The following CCDC82 variants were observed in gnomAD, a reference collection of about 807,000 sequenced individuals.
CCDC82 encodes the protein coiled-coil domain containing 82.
CCDC82 carries 47 observed loss-of-function variants against 60.6 expected under a neutral mutation model. The observed-to-expected ratio is 0.77, with a 90% confidence interval of 0.61 to 0.99. The LOEUF (loss-of-function observed/expected upper bound fraction) is 0.99, where lower values mean the gene tolerates loss of function less well. Ranked by LOEUF, CCDC82 falls within the 50% of genes least tolerant of loss-of-function variation. The pLI is 0.00. For missense variants in CCDC82, 588 were observed against 633.0 expected (o/e 0.93, Z 0.76); for synonymous variants, 212 against 207.4 (o/e 1.02, Z -0.19).
rs1386440910 is a variant in CCDC82 at position 96,361,117 on chromosome 11, C to T, written c.1381-1939G>A. 2.6e-5 allele frequency among the ~76,000 whole-genome samples: 4 copies of T among 152,260 alleles called. No individual in the cohort carries two copies. In the East Asian group the frequency reaches 5.8e-4, roughly 22 times the overall value. ...TCCAACTTTGTGTAAAAAGACAACA[C>T]AAAAGTTGCCGTGACTATAAGGGTA... is the stretch of plus-strand genomic sequence containing the variant. On this transcript the variant is annotated intron_variant, in intron 8 of 9. Coordinates refer to ENST00000646818, the MANE Select transcript of CCDC82 (RefSeq NM_024725.4).
rs185391937 is a variant in CCDC82 at position 96,363,109 on chromosome 11, C to T, written c.1380+1871G>A. ...TAGCTGGGACTACAGGTGCCCGCCA[C>T]CTCTCTCGGCTAATTTTTTGTATTT... On this transcript the variant is annotated intron_variant, in intron 8 of 9. Transcript: ENST00000646818. 1,332 of 152,136 alleles carry T rather than the reference C, an allele frequency of 8.8e-3. 19 individuals are homozygous for T. Among genetic ancestry groups the T allele is most frequent in the Admixed American group, 0.034 (524 of 15,270 alleles). 9.4% of individuals were successfully genotyped at this position (152,136 alleles called of 1,614,324 possible). A position where few individuals can be genotyped will look rare whatever the true frequency, so the allele number is the denominator to read the frequency against.
intron 5 of CCDC82, among the ~76,000 whole-genome samples, chr11:96,373,981 C>T (rs1865431279): frequency 6.6e-6 from 1 of 152,144 alleles, no homozygotes; most frequent in Non-Finnish European, 1.5e-5. Context: ...ATTTAGAAAA[C>T]TTGTCTATTT....
At chr11:96,366,698 G>T (rs1864968467) in intron 7 of CCDC82, among the ~76,000 whole-genome samples, 1 of 152,166 alleles carries the variant, frequency 6.6e-6, no homozygotes, top group Non-Finnish European at 1.5e-5. Flanking sequence ...AGTTCAGCCT[G>T]GGCCACAGAA....
At chr11:96,372,982 C>A (rs1865366088) in intron 6 of CCDC82, among the ~76,000 whole-genome samples, 1 of 151,930 alleles carries the variant, frequency 6.6e-6, no homozygotes, top group Non-Finnish European at 1.5e-5. Context: ...AAAAGGGATT[C>A]TATTCTAAGA....
chr11:96,376,858 T>C (rs1383635189), intron 5 of CCDC82, among the ~76,000 whole-genome samples: 2 of 152,178 alleles, frequency 1.3e-5, no homozygotes, highest in African/African-American at 2.4e-5. Context: ...ACATACTTAC[T>C]GTGAATCTGG....
Position 96,384,722 on chromosome 11 carries a change from G to C in CCDC82, c.26C>G (p.Thr9Arg), listed in dbSNP as rs373680223. MIHVRRHE[T>R]RRNSKSHVPE... is the part of the protein sequence containing the mutation. ...CACGTGACTCTTAGAATTTCTCCTT[G>C]TTTCATGTCTTCTAACATGTATCAT... Residue 9 changes from threonine to arginine, a missense_variant, in exon 4 of 10, where the codon ACA (threonine) becomes AGA (arginine). By Grantham distance (71) the Thr-to-Arg change is moderately conservative. Transcript: ENST00000646818. The C allele has an allele frequency of 1.4e-4, 218 of 1,607,194 alleles. No individual in the cohort carries two copies. Among genetic ancestry groups the C allele is most frequent in the Admixed American group, 1.7e-4 (10 of 58,728 alleles).
intron 7 of CCDC82, among the ~76,000 whole-genome samples, chr11:96,366,452 G>T (rs897815352): frequency 3.3e-5 from 5 of 152,146 alleles, no homozygotes; most frequent in Admixed American, 3.3e-4. Flanking sequence ...ACCACAATAT[G>T]GTAAAACCTA....
intron 5 of CCDC82, among the ~76,000 whole-genome samples, chr11:96,378,387 AC>A (rs1370944756): frequency 6.6e-6 from 1 of 151,910 alleles, no homozygotes; most frequent in African/African-American, 2.4e-5. Context: ...CTCTGAGTCT[AC>A]CTTTACCTTA....
At chr11:96,368,221 C>T (rs569360410) in intron 7 of CCDC82, among the ~76,000 whole-genome samples, 1 of 152,182 alleles carries the variant, frequency 6.6e-6, no homozygotes, top group Non-Finnish European at 1.5e-5. Flanking sequence ...TGATATTAAT[C>T]TCCTTGTAAA....
At chr11:96,383,521 G>T (rs754905930) in intron 4 of CCDC82, 48 bp from the exon 5 acceptor site, 1 of 1,181,540 alleles carries the variant, frequency 8.5e-7, no homozygotes, top group South Asian at 1.5e-5. Context: ...TATTAAAACG[G>T]TAAGCATCGA....
chr11:96,365,330 A>T (rs1743651412), intron 7 of CCDC82, among the ~76,000 whole-genome samples, 180 bp from the exon 8 acceptor site: 1 of 152,154 alleles, frequency 6.6e-6, no homozygotes, highest in African/African-American at 2.4e-5. Flanking sequence ...ATGTTTAAAT[A>T]AAAAAATTTA....
chr11:96,383,886 G>T, intron 4 of CCDC82, 76 bp downstream of exon 4: 1 of 1,303,012 alleles, frequency 7.7e-7, no homozygotes. Context: ...AACGGACTCA[G>T]CACTTTTTTA....
chr11:96,376,765 T>G (rs948954697), intron 5 of CCDC82, among the ~76,000 whole-genome samples: 2 of 152,162 alleles, frequency 1.3e-5, no homozygotes, highest in African/African-American at 4.8e-5. Context: ...GAACTTTATT[T>G]TGGTTGCGAT....
chr11:96,365,188 A>G (rs758685978), intron 7 of CCDC82, 38 bp from the exon 8 acceptor site: 1 of 1,315,138 alleles, frequency 7.6e-7, no homozygotes, highest in South Asian at 1.5e-5. Flanking sequence ...TTAAAAGATA[A>G]AGAATAAAAA....
At chr11:96,356,349 G>A (rs1221917059) in intron 9 of CCDC82, 1 of 631,764 alleles carries the variant, frequency 1.6e-6, no homozygotes, top group Admixed American at 6.3e-5. Context: ...AAATTATTAT[G>A]TATATGACAA....
At chr11:96,388,314 G>A (rs1267972180) in intron 1 of CCDC82, 1 of 152,136 alleles carries the variant, frequency 6.6e-6, no homozygotes, top group African/African-American at 2.4e-5. Flanking sequence ...TGTTACTTCT[G>A]TATATGTTGA....
chr11:96,364,448 T>C (rs1290194424), intron 8 of CCDC82: 1 of 152,104 alleles, frequency 6.6e-6, no homozygotes, highest in African/African-American at 2.4e-5. Flanking sequence ...ATCTTAATAA[T>C]TGACTGGGAG....
At chr11:96,369,202 T>C (rs946278912) in intron 7 of CCDC82, among the ~76,000 whole-genome samples, 3 of 152,232 alleles carry the variant, frequency 2.0e-5, no homozygotes, top group Non-Finnish European at 4.4e-5. Context: ...CTTCAATCCA[T>C]ACCACTAAAA....
chr11:96,382,046 A>G (rs1392066249), intron 5 of CCDC82: 1 of 151,878 alleles, frequency 6.6e-6, no homozygotes, highest in Non-Finnish European at 1.5e-5. Context: ...TTGAATGTGA[A>G]GTACACATCT....
Sources: gnomAD v4.1 joint callset for allele counts (sites outside exome capture counted in the v4.1 genomes callset) on GRCh38, gnomAD v4.1.1 for gene constraint, MANE v1.5 for transcripts, NCBI Gene and HGNC (gene_info 2026-07-23, HGNC 2026-07-21) for gene names.